GPC6: variants seen among roughly 807,000 people sequenced by gnomAD.
GPC6 encodes the protein glypican-6.
Under a neutral mutation model 55.2 loss-of-function variants are expected in GPC6, and 14 were observed. The observed-to-expected ratio is 0.25, with a 90% CI of 0.17 to 0.40. GPC6 has a LOEUF of 0.40. Ranked by LOEUF, GPC6 falls within the 10% of genes least tolerant of loss-of-function variation. The pLI is 1.00. For synonymous variants in GPC6, 278 were observed against 259.6 expected (o/e 1.07, Z -0.68); for missense variants, 641 against 708.5 (o/e 0.90, Z 1.08).
intron 3 of GPC6, among the ~76,000 whole-genome samples, chr13:93,838,997 C>G (rs2138994406): frequency 6.6e-6 from 1 of 152,154 alleles, no homozygotes; most frequent in East Asian, 1.9e-4. Context: ...GTTCTGAAAA[C>G]AAAGACAAAT....
chr13:94,203,099 T>C (rs1431628296), intron 4 of GPC6, among the ~76,000 whole-genome samples: 1 of 151,626 alleles, frequency 6.6e-6, no homozygotes, highest in Non-Finnish European at 1.5e-5. Context: ...GACTCACTTA[T>C]GTTTTATTAT....
chr13:94,382,647 GC>G, intron 7 of GPC6, 97 bp downstream of exon 7: 1 of 1,517,896 alleles, frequency 6.6e-7, no homozygotes, highest in Admixed American at 1.7e-5. Context: ...TATGCAAAAA[GC>G]AACAGAGGGT....
intron 6 of GPC6, among the ~76,000 whole-genome samples, chr13:94,339,462 G>T (rs1313613422): frequency 6.6e-6 from 1 of 152,130 alleles, no homozygotes; most frequent in Non-Finnish European, 1.5e-5. Flanking sequence ...CTCACTCGGG[G>T]CCTGTGATAG....
intron 1 of GPC6, among the ~76,000 whole-genome samples, chr13:93,288,874 C>T (rs1878224274): frequency 6.6e-6 from 1 of 152,134 alleles, no homozygotes; most frequent in African/African-American, 2.4e-5. Context: ...GTGGTTAAAC[C>T]ACTTCATGAG....
intron 1 of GPC6, among the ~76,000 whole-genome samples, chr13:93,263,744 G>A (rs148968510): frequency 6.6e-6 from 1 of 152,256 alleles, no homozygotes; most frequent in Non-Finnish European, 1.5e-5. Flanking sequence ...TATGTAGGGT[G>A]TTTTGTCTTT....
rs114165921 is a variant in GPC6 at position 94,033,041 on chromosome 13, C to G, written c.877+5147C>G. Among the ~76,000 whole-genome samples the G allele has an allele frequency of 5.6e-3, 845 of 152,222 alleles. 8 individuals carry two copies. Among genetic ancestry groups the G allele is most frequent in the African/African-American group, 0.02 (820 of 41,528 alleles). Reference sequence around the variant, plus strand: ...AACAGATAAGGCCCCTGTTAGAGAACAGAATAGAGAACAGTACCCAGTATA... The same window carrying G: ...AACAGATAAGGCCCCTGTTAGAGAAGAGAATAGAGAACAGTACCCAGTATA... On this transcript the variant is annotated intron_variant, in intron 4 of 8. Coordinates refer to ENST00000377047, the MANE Select transcript of GPC6 (RefSeq NM_005708.5).
At position 93,719,896 on chromosome 13, in the gene GPC6, C is replaced by T. The variant is rs911926823; in HGVS notation, c.320-110258C>T. Among the ~76,000 whole-genome samples the T allele has an allele frequency of 9.9e-5, 15 of 151,972 alleles. 1 individual carries two copies. The highest frequency in any genetic ancestry group is 9.8e-4 in the Admixed American group (15 of 15,244). ...GTGATGGATTACATTTATTGATTTGCATATGTTGAACCAGCCTTGCATCCC... is the reference window on the plus strand; with the variant it reads ...GTGATGGATTACATTTATTGATTTGTATATGTTGAACCAGCCTTGCATCCC... On this transcript the variant is annotated intron_variant, in intron 2 of 8. Coordinates refer to ENST00000377047, the MANE Select transcript of GPC6 (RefSeq NM_005708.5).
chr13:93,734,372 C>T (rs1173003372), intron 2 of GPC6, among the ~76,000 whole-genome samples: 1 of 152,022 alleles, frequency 6.6e-6, no homozygotes, highest in Non-Finnish European at 1.5e-5. Flanking sequence ...AAGCTGCAGC[C>T]ACAGTAGACA....
chr13:94,137,338 G>A (rs540539126), intron 4 of GPC6, among the ~76,000 whole-genome samples: 1 of 152,258 alleles, frequency 6.6e-6, no homozygotes, highest in South Asian at 2.1e-4. Context: ...ATGAGAACAG[G>A]GCCCAGGGTG....
intron 3 of GPC6, among the ~76,000 whole-genome samples, chr13:93,983,794 A>G: frequency 6.6e-6 from 1 of 151,780 alleles, no homozygotes; most frequent in Middle Eastern, 3.2e-3. Context: ...TAAAAAAAAA[A>G]AAAGCAAACA....
At chr13:93,848,039 A>G (rs1052436540) in intron 3 of GPC6, among the ~76,000 whole-genome samples, 2 of 152,134 alleles carry the variant, frequency 1.3e-5, no homozygotes, top group African/African-American at 4.8e-5. Flanking sequence ...TTTGAACACA[A>G]CATTGACTCA....
intron 4 of GPC6, among the ~76,000 whole-genome samples, chr13:94,100,252 T>G (rs1885807628): frequency 1.3e-5 from 2 of 152,216 alleles, no homozygotes; most frequent in Non-Finnish European, 2.9e-5. Flanking sequence ...AATAGAGTTT[T>G]TATTCTTTTT....
At chr13:93,654,238 A>G (rs894371487) in intron 2 of GPC6, among the ~76,000 whole-genome samples, 1 of 151,962 alleles carries the variant, frequency 6.6e-6, no homozygotes, top group African/African-American at 2.4e-5. Flanking sequence ...CACTTTAAGT[A>G]ATTATTATTA....
At chr13:94,107,861 T>C (rs952619319) in intron 4 of GPC6, among the ~76,000 whole-genome samples, 1 of 151,982 alleles carries the variant, frequency 6.6e-6, no homozygotes, top group South Asian at 2.1e-4. Flanking sequence ...CCTGCAAGAA[T>C]GGCCATAATA....
chr13:93,891,321 A>G (rs1007157290), intron 3 of GPC6, among the ~76,000 whole-genome samples: 3 of 152,128 alleles, frequency 2.0e-5, no homozygotes, highest in Admixed American at 2.0e-4. Flanking sequence ...TTTTATTTCA[A>G]ACGTAGGTGA....
chr13:94,292,779 A>G (rs1036693303), intron 5 of GPC6, among the ~76,000 whole-genome samples: 2 of 152,184 alleles, frequency 1.3e-5, no homozygotes, highest in African/African-American at 4.8e-5. Flanking sequence ...AGTGGGACTT[A>G]GAGACTAAAG....
chr13:93,490,406 C>T (rs997908469), intron 1 of GPC6, among the ~76,000 whole-genome samples: 1 of 137,372 alleles, frequency 7.3e-6, no homozygotes, highest in African/African-American at 2.6e-5. Context: ...GATGTACTTA[C>T]ATATACACAC....
chr13:94,070,918 TC>T (rs150562686), intron 4 of GPC6, among the ~76,000 whole-genome samples: 4,257 of 152,262 alleles, frequency 0.028, 198 homozygotes, highest in African/African-American at 0.097. Flanking sequence ...ACAAAGGAAA[TC>T]TAAAAACAGA....
intron 4 of GPC6, among the ~76,000 whole-genome samples, chr13:94,281,115 A>G (rs1039865624): frequency 6.6e-6 from 1 of 152,100 alleles, no homozygotes; most frequent in Non-Finnish European, 1.5e-5. Flanking sequence ...GATTAAGTTG[A>G]GCTTATTTGA....
Sources: gnomAD v4.1 joint callset for allele counts (sites outside exome capture counted in the v4.1 genomes callset) on GRCh38, gnomAD v4.1.1 for gene constraint, MANE v1.5 for transcripts, NCBI Gene and HGNC (gene_info 2026-07-23, HGNC 2026-07-21) for gene names.